Variants in DDX18 observed in about 807,000 individuals in gnomAD.
The protein encoded by DDX18 is ATP-dependent RNA helicase DDX18.
Under a neutral mutation model 73.5 loss-of-function variants are expected in DDX18, and 23 were observed. The ratio of observed to expected loss-of-function variants is 0.31; its 90% CI spans 0.23 to 0.44. The LOEUF is 0.44. DDX18 is among the 20% of genes least tolerant of loss of function. The pLI, the probability that DDX18 is intolerant of heterozygous loss-of-function variation, is 1.00. For synonymous variants in DDX18, 268 were observed against 282.7 expected, an observed-to-expected ratio of 0.95 and a Z score of 0.52; for missense variants, 753 against 792.9, an observed-to-expected ratio of 0.95 and a Z score of 0.60.
chr2:117,826,466 C>T (rs1367012025), intron 11 of DDX18, 84 bp downstream of exon 11: 6 of 1,282,838 alleles, frequency 4.7e-6, no homozygotes, highest in East Asian at 2.5e-5. Flanking sequence ...AGAGGAGTCT[C>T]GAGTCTGGCC....
Position 117,822,077 on chromosome 2 carries a change from C to T in DDX18, c.951+16C>T, listed in dbSNP as rs775215718. 2 of 1,613,804 alleles carry T rather than the reference C, an allele frequency of 1.2e-6. No homozygotes were observed. Among genetic ancestry groups the T allele is most frequent in the South Asian group, 2.2e-5 (2 of 91,084 alleles). On this transcript the variant is annotated intron_variant, in intron 6 of 13. Coordinates refer to ENST00000263239, the MANE Select transcript of DDX18 (RefSeq NM_006773.4). The stretch of plus-strand genomic sequence containing the variant: ...CCATATGCAGGTAAGAGATGTAGTG[C>T]TTGTCTCATTGTCTTGTATGAAACA...
In DDX18 at chr2:117,817,506, A is replaced by G. The variant is rs752439520; in HGVS notation, c.148A>G (p.Ser50Gly). 7.4e-6 allele frequency: 12 copies of G among 1,613,452 alleles called. No individual in the cohort carries two copies. The Admixed American group carries it at 1.0e-4, about 13-fold the overall frequency. ...AGATGTATCTGAAGAAACAATGGGA[A>G]GTAGAAAGGTTAAAAAATCAAAACA... ...NGDVSEETMGSRKVKKSKQKP... is the reference protein window; with the variant it reads ...NGDVSEETMGGRKVKKSKQKP... The change falls in exon 2 of 14, where the codon AGT becomes GGT. Residue 50 changes from serine to glycine, a missense_variant. Physicochemically the swap from Ser to Gly is moderately conservative, Grantham distance 56. Coordinates refer to ENST00000263239, the MANE Select transcript of DDX18 (RefSeq NM_006773.4).
chr2:117,822,287 T>A (rs1181890676), intron 7 of DDX18, 26 bp downstream of exon 7: 1 of 1,562,246 alleles, frequency 6.4e-7, no homozygotes, highest in Admixed American at 1.7e-5. Context: ...CTGCATTTGG[T>A]TTGCAAAGTA....
At chr2:117,816,003 A>G (rs1459146970) in intron 1 of DDX18, among the ~76,000 whole-genome samples, 1 of 152,216 alleles carries the variant, frequency 6.6e-6, no homozygotes, top group African/African-American at 2.4e-5. Flanking sequence ...ATTGTAACAC[A>G]ATGGTAAGTG....
intron 5 of DDX18, 23 bp downstream of exon 5, chr2:117,821,773 C>G: frequency 6.2e-7 from 1 of 1,613,746 alleles, no homozygotes; most frequent in African/African-American, 1.3e-5. Context: ...CTGCTTGTTT[C>G]TGCCATTATT....
rs1300502701 is a variant in DDX18 at position 117,819,782 on chromosome 2, G to A, written c.504G>A (p.Leu168=). The A allele has an allele frequency of 1.3e-6, 2 of 1,581,324 alleles. No homozygotes were observed. Among genetic ancestry groups the A allele is most frequent in the East Asian group, 2.3e-5 (1 of 43,886 alleles). Residue 168 remains leucine, a synonymous_variant, in exon 3 of 14, where the codon CTG becomes CTA. Transcript: ENST00000263239. ...AGAGTGAGGTGCCCAGTCTGCCCCTGGGACTGACAGGTAACGTCCAGGAAG... is the reference window on the plus strand; with the variant it reads ...AGAGTGAGGTGCCCAGTCTGCCCCTAGGACTGACAGGTAACGTCCAGGAAG... ...EDESEVPSLP[L]GLTGAFEDTS... is the part of the protein sequence containing the mutation.
At position 117,821,633 on chromosome 2, in the gene DDX18, C is replaced by T; in HGVS notation, c.651-17C>T. The T allele has an allele frequency of 1.2e-6, 2 of 1,613,432 alleles. No homozygotes were observed. Among genetic ancestry groups the T allele is most frequent in the African/African-American group, 1.3e-5 (1 of 75,006 alleles). ...AGTAGGCTAAATGTCTTTCTCCTTT[C>T]CCTTTTTAATATTTAGGGATCTTCT... is the stretch of plus-strand genomic sequence containing the variant. On this transcript the variant is annotated splice_polypyrimidine_tract_variant and intron_variant, in intron 4 of 13. Coordinates refer to ENST00000263239, the MANE Select transcript of DDX18 (RefSeq NM_006773.4).
At position 117,829,370 on chromosome 2, in the gene DDX18, T is replaced by A; in HGVS notation, c.1774T>A (p.Ser592Thr). Residue 592 changes from serine to threonine, a missense_variant, in exon 13 of 14, where the codon TCC becomes ACC. Around this residue, in one of 3 missense-constraint regions of DDX18, gnomAD observed 402 missense variants for 419.4 expected, o/e 0.96. Transcript: ENST00000263239. ...AYKSYIRAYD[S>T]HSLKQIFNVN... Reference sequence around the variant, plus strand: ...TAAGTCATACATACGAGCCTATGATTCCCATTCTCTGAAACAGATCTTTAA... The same window carrying A: ...TAAGTCATACATACGAGCCTATGATACCCATTCTCTGAAACAGATCTTTAA... 6.2e-7 allele frequency: 1 copy of A among 1,614,134 alleles called. No homozygotes were observed. The highest frequency in any genetic ancestry group is 1.3e-5 in the African/African-American group (1 of 75,056).
intron 1 of DDX18, chr2:117,815,186 C>T: frequency 3.2e-6 from 1 of 314,258 alleles, no homozygotes; most frequent in Non-Finnish European, 6.1e-6. Context: ...TCACCACCTG[C>T]AAGTCGCACC....
Position 117,822,165 on chromosome 2 carries a change from T to C in DDX18, c.970T>C (p.Tyr324His). 6.2e-7 allele frequency: 1 copy of C among 1,613,952 alleles called. No homozygotes were observed. The highest frequency in any genetic ancestry group is 8.5e-7 in the Non-Finnish European group (1 of 1,179,838). Residue 324 changes from tyrosine (Y) to histidine (H), a missense_variant, in exon 7 of 14, where the codon TAT (tyrosine) becomes CAT (histidine). Around this residue, in one of 3 missense-constraint regions of DDX18, gnomAD observed 402 missense variants for 419.4 expected, o/e 0.96. Coordinates refer to ENST00000263239, the MANE Select transcript of DDX18 (RefSeq NM_006773.4). ...DHMQNTPGFM[Y>H]KNLQCLVIDE... The stretch of plus-strand genomic sequence containing the variant: ...TTGTTAGAATACCCCAGGATTTATG[T>C]ATAAAAACCTGCAGTGTCTGGTTAT...
At chr2:117,823,170 T>A (rs1679873968) in intron 7 of DDX18, among the ~76,000 whole-genome samples, 1 of 152,200 alleles carries the variant, frequency 6.6e-6, no homozygotes, top group Non-Finnish European at 1.5e-5. Context: ...GTCCTTTGCT[T>A]TTCTATATAA....
chr2:117,821,905 GCAAACCTT>G lies in DDX18; in HGVS notation c.796_803del (p.Gln266TrpfsTer4). ...TCTCACCTACTAGAGAACTAGCCAT[GCAAACCTT>G]TGGTGTTCTTAAGGAGCTGATGACT... is the stretch of plus-strand genomic sequence containing the variant. On this transcript the variant is annotated frameshift_variant, in exon 6 of 14. Transcript: ENST00000263239. LOFTEE classifies it high-confidence loss of function. The G allele has an allele frequency of 6.2e-7, 1 of 1,614,016 alleles. No individual in the cohort carries two copies. The highest frequency in any genetic ancestry group is 8.5e-7 in the Non-Finnish European group (1 of 1,179,936).
intron 3 of DDX18, among the ~76,000 whole-genome samples, chr2:117,820,310 A>G (rs1679825767): frequency 6.6e-6 from 1 of 152,176 alleles, no homozygotes; most frequent in Non-Finnish European, 1.5e-5. Context: ...GTAGCTCTCG[A>G]GCAGGGAAAT....
chr2:117,830,854 C>A lies in DDX18; in HGVS notation c.*130C>A. 9.5e-7 allele frequency: 1 copy of A among 1,052,260 alleles called. No homozygotes were observed. Among genetic ancestry groups the A allele is most frequent in the Non-Finnish European group, 1.4e-6 (1 of 717,112 alleles). The allele number at this position is 1,052,260 out of a possible 1,614,324, so 65.2% of individuals were successfully genotyped here. ...CAAGAGTATAAATTGACTTGGGTTG[C>A]AAGCACTGAGCACTGTTACTTCTAT... On this transcript the variant is annotated 3_prime_UTR_variant, in exon 14 of 14. Transcript: ENST00000263239.
In DDX18 at chr2:117,830,818, G is replaced by C. The variant is rs1680011310; in HGVS notation, c.*94G>C. 6.8e-7 allele frequency: 1 copy of C among 1,479,994 alleles called. No homozygotes were observed. The highest frequency in any genetic ancestry group is 9.3e-7 in the Non-Finnish European group (1 of 1,077,808). The allele number at this position is 1,479,994 out of a possible 1,614,324, so 91.7% of individuals were successfully genotyped here. On this transcript the variant is annotated 3_prime_UTR_variant, in exon 14 of 14. Coordinates refer to ENST00000263239, the MANE Select transcript of DDX18 (RefSeq NM_006773.4). ...GGATTTTTGTAGACTTTAGAATTTGGACTTACCTAACAAGAGTATAAATTG... is the reference window on the plus strand; with the variant it reads ...GGATTTTTGTAGACTTTAGAATTTGCACTTACCTAACAAGAGTATAAATTG...
intron 11 of DDX18, chr2:117,827,001 A>C (rs1679938004): frequency 6.5e-6 from 1 of 153,260 alleles, no homozygotes; most frequent in South Asian, 2.0e-4. Flanking sequence ...AACCAGCCTA[A>C]TTTGGCTTTA....
In DDX18 at chr2:117,830,578, C is replaced by T; in HGVS notation, c.1871-4C>T. ...TGCTTGATTTCCTTAATGTTTGCCTCCAGACGTCAACAGTAATGAAGGCAA... is the reference window on the plus strand; with the variant it reads ...TGCTTGATTTCCTTAATGTTTGCCTTCAGACGTCAACAGTAATGAAGGCAA... On this transcript the variant is annotated splice_polypyrimidine_tract_variant and splice_region_variant and intron_variant, in intron 13 of 13. Coordinates refer to ENST00000263239, the MANE Select transcript of DDX18 (RefSeq NM_006773.4). The T allele has an allele frequency of 9.3e-6, 15 of 1,611,690 alleles. 1 individual carries two copies. In the South Asian group the frequency reaches 9.9e-5, roughly 11 times the overall value.
chr2:117,828,892 C>G (rs961391093), intron 11 of DDX18, 57 bp from the exon 12 acceptor site: 12 of 1,213,266 alleles, frequency 9.9e-6, no homozygotes, highest in Admixed American at 3.6e-5. Context: ...TCTTCAGTAC[C>G]CAGTATCGGA....
intron 12 of DDX18, 63 bp from the exon 13 acceptor site, chr2:117,829,226 C>A (rs1679981008): frequency 1.1e-5 from 17 of 1,496,494 alleles, no homozygotes; most frequent in Non-Finnish European, 1.5e-5. Flanking sequence ...TATTTAAAAT[C>A]TGGTGTTTTG....
Sources: allele counts gnomAD v4.1 joint callset (sites outside exome capture counted in the v4.1 genomes callset), GRCh38; gene constraint gnomAD v4.1.1; regional missense constraint gnomAD v4.1.1; transcripts MANE v1.5; gene names NCBI Gene and HGNC (gene_info 2026-07-23, HGNC 2026-07-21).